The following FHIT variants were observed in gnomAD, a reference collection of about 807,000 sequenced individuals.
FHIT encodes the protein bis(5'-adenosyl)-triphosphatase.
In FHIT, 19 loss-of-function variants were observed where a neutral mutation model predicts 17.9. The observed-to-expected ratio is 1.06, with a 90% CI of 0.74 to 1.56. FHIT has a LOEUF of 1.56. FHIT is among the 40% of genes most tolerant of loss of function. The probability of loss-of-function intolerance (pLI) is 0.00; values close to 1 mark genes in which losing one functional copy is unlikely to be tolerated. For missense variants in FHIT, 248 were observed against 189.2 expected (o/e 1.31, Z -1.82); for synonymous variants, 81 against 69.7 (o/e 1.16, Z -0.81).
At chr3:60,011,163 CTAAAAG>C (rs779594658) in intron 7 of FHIT, among the ~76,000 whole-genome samples, 3 of 147,044 alleles carry the variant, frequency 2.0e-5, no homozygotes, top group Non-Finnish European at 3.0e-5. Context: ...AATTTTACTA[CTAAAAG>C]TAAATGTCTT....
chr3:60,123,981 T>A (rs1481543999), intron 5 of FHIT, among the ~76,000 whole-genome samples: 12 of 33,396 alleles, frequency 3.6e-4, no homozygotes, highest in African/African-American at 1.3e-3. Context: ...TATATATATA[T>A]ATATATATAT....
In FHIT at chr3:60,642,410, G is replaced by C. The variant is rs191721493; in HGVS notation, c.-17-105431C>G. Among the ~76,000 whole-genome samples the C allele has an allele frequency of 5.0e-4, 76 of 152,266 alleles. 1 individual carries two copies. Among genetic ancestry groups the C allele is most frequent in the Admixed American group, 1.7e-3 (26 of 15,296 alleles). On this transcript the variant is annotated intron_variant, in intron 4 of 9. Coordinates refer to ENST00000492590, the MANE Select transcript of FHIT (RefSeq NM_002012.4). ...GGGTTGCAGATCCTTAATTTAAATG[G>C]AACTGAGTATTTCTAAGCATTTCAC...
intron 3 of FHIT, among the ~76,000 whole-genome samples, chr3:60,953,165 C>G (rs541586907): frequency 6.6e-6 from 1 of 152,228 alleles, no homozygotes; most frequent in South Asian, 2.1e-4. Flanking sequence ...CCCAAACAAA[C>G]AAGTAAAGGA....
intron 5 of FHIT, among the ~76,000 whole-genome samples, chr3:60,367,518 C>A (rs191197259): frequency 3.9e-5 from 6 of 152,268 alleles, no homozygotes; most frequent in African/African-American, 1.2e-4. Flanking sequence ...TCAAACTAAA[C>A]CCTCTCAGAT....
At chr3:60,133,036 C>G (rs547123071) in intron 5 of FHIT, among the ~76,000 whole-genome samples, 1 of 152,160 alleles carries the variant, frequency 6.6e-6, no homozygotes, top group Non-Finnish European at 1.5e-5. Context: ...GTACACCTAC[C>G]GAAACATGAA....
chr3:59,892,076 T>C (rs866085953), intron 8 of FHIT, among the ~76,000 whole-genome samples: 67 of 152,368 alleles, frequency 4.4e-4, no homozygotes, highest in African/African-American at 1.6e-3. Flanking sequence ...GCCAAGTCCA[T>C]ACCTTCTGAG....
At chr3:60,888,576 T>G (rs2107161724) in intron 3 of FHIT, among the ~76,000 whole-genome samples, 1 of 152,332 alleles carries the variant, frequency 6.6e-6, no homozygotes, top group African/African-American at 2.4e-5. Flanking sequence ...TTATTTCTGT[T>G]TCTTGACTTA....
At chr3:60,484,512 A>G (rs1010527854) in intron 5 of FHIT, among the ~76,000 whole-genome samples, 29 of 152,222 alleles carry the variant, frequency 1.9e-4, no homozygotes, top group African/African-American at 6.0e-4. Context: ...CAGAAATAAA[A>G]CCACTCATCT....
chr3:60,889,962 G>A (rs1553760273), intron 3 of FHIT, among the ~76,000 whole-genome samples: 1 of 152,088 alleles, frequency 6.6e-6, no homozygotes, highest in South Asian at 2.1e-4. Flanking sequence ...ATACCCTTAT[G>A]CTAGCTCCAG....
At chr3:61,072,010 C>G (rs1372880742) in intron 2 of FHIT, among the ~76,000 whole-genome samples, 1 of 152,176 alleles carries the variant, frequency 6.6e-6, no homozygotes, top group Non-Finnish European at 1.5e-5. Context: ...AGTCCCACCC[C>G]TCATGCCCCC....
At chr3:60,031,188 A>C (rs1700984263) in intron 5 of FHIT, among the ~76,000 whole-genome samples, 1 of 152,234 alleles carries the variant, frequency 6.6e-6, no homozygotes, top group African/African-American at 2.4e-5. Context: ...TGTGAATGCA[A>C]GTCTGGTGTT....
chr3:60,845,248 T>C (rs1702884182), intron 3 of FHIT, among the ~76,000 whole-genome samples: 1 of 151,704 alleles, frequency 6.6e-6, no homozygotes, highest in Admixed American at 6.6e-5. Flanking sequence ...TCTTAAAAAA[T>C]AAAATTTTTT....
chr3:59,819,964 A>C, intron 8 of FHIT, among the ~76,000 whole-genome samples: 1 of 152,218 alleles, frequency 6.6e-6, no homozygotes. Context: ...TCTTCCTGTG[A>C]GGACACAACA....
At chr3:60,712,577 G>A (rs1412942676) in intron 4 of FHIT, among the ~76,000 whole-genome samples, 5 of 151,996 alleles carry the variant, frequency 3.3e-5, no homozygotes, top group Non-Finnish European at 7.4e-5. Context: ...AAGGGATGGA[G>A]GAAGATCTAC....
chr3:60,050,484 C>T (rs999671303), intron 5 of FHIT, among the ~76,000 whole-genome samples: 1 of 152,056 alleles, frequency 6.6e-6, no homozygotes, highest in Non-Finnish European at 1.5e-5. Flanking sequence ...TAGGTACTTG[C>T]CATTTGAGAA....
At chr3:60,448,177 C>T (rs1398550384) in intron 5 of FHIT, among the ~76,000 whole-genome samples, 1 of 152,070 alleles carries the variant, frequency 6.6e-6, no homozygotes, top group Non-Finnish European at 1.5e-5. Context: ...GCTTTAGTCT[C>T]TTCCTTAACA....
intron 5 of FHIT, among the ~76,000 whole-genome samples, chr3:60,467,007 C>A (rs1033489336): frequency 6.6e-6 from 1 of 151,774 alleles, no homozygotes; most frequent in Non-Finnish European, 1.5e-5. Context: ...AAATCTAGCG[C>A]TTTTCTTTGC....
intron 8 of FHIT, among the ~76,000 whole-genome samples, chr3:59,855,442 T>G (rs2106814405): frequency 6.6e-6 from 1 of 152,302 alleles, no homozygotes; most frequent in Non-Finnish European, 1.5e-5. Flanking sequence ...GTTTTAAATT[T>G]TATAAAAAGG....
chr3:60,097,137 C>T (rs937345611), intron 5 of FHIT, among the ~76,000 whole-genome samples: 2 of 151,850 alleles, frequency 1.3e-5, no homozygotes, highest in Admixed American at 6.6e-5. Flanking sequence ...GTAAGGACAC[C>T]CATTGGCCAG....
Sources: gnomAD v4.1 joint callset for allele counts (sites outside exome capture counted in the v4.1 genomes callset) on GRCh38, gnomAD v4.1.1 for gene constraint, MANE v1.5 for transcripts, NCBI Gene and HGNC (gene_info 2026-07-23, HGNC 2026-07-21) for gene names.